TMEM117: variants seen among roughly 807,000 people sequenced by gnomAD.
The protein encoded by TMEM117 is transmembrane protein 117.
TMEM117 carries 27 observed loss-of-function variants against 52.4 expected under a neutral mutation model. That is an observed-to-expected ratio of 0.51 (90% CI 0.38 to 0.71). TMEM117 has a LOEUF of 0.71. Ranked by LOEUF, TMEM117 falls within the 30% of genes least tolerant of loss-of-function variation. The pLI is 0.00. For missense variants in TMEM117, 556 were observed against 630.5 expected (o/e 0.88, Z 1.26); for synonymous variants, 215 against 206.3 (o/e 1.04, Z -0.36).
At chr12:44,063,122 C>T (rs1341540681) in intron 3 of TMEM117, among the ~76,000 whole-genome samples, 2 of 152,132 alleles carry the variant, frequency 1.3e-5, no homozygotes, top group Non-Finnish European at 2.9e-5. Context: ...TGCTCAGAGA[C>T]GTAGAGACAC....
At chr12:43,995,365 A>G (rs76331350) in intron 3 of TMEM117, among the ~76,000 whole-genome samples, 6,455 of 145,792 alleles carry the variant, frequency 0.044, 266 homozygotes, top group African/African-American at 0.11. Flanking sequence ...CTCTGACTAG[A>G]TACCTTTTGT....
At chr12:44,141,446 G>T (rs1948570228) in intron 3 of TMEM117, among the ~76,000 whole-genome samples, 1 of 151,802 alleles carries the variant, frequency 6.6e-6, no homozygotes, top group East Asian at 1.9e-4. Context: ...TATTTTTTTA[G>T]TTATTAGCTG....
intron 3 of TMEM117, among the ~76,000 whole-genome samples, chr12:44,079,162 T>C (rs753739414): frequency 1.5e-4 from 23 of 152,168 alleles, no homozygotes; most frequent in Non-Finnish European, 3.1e-4. Context: ...TGAATAGTGC[T>C]GCAATAAACA....
At chr12:43,970,378 T>G (rs1945562231) in intron 3 of TMEM117, among the ~76,000 whole-genome samples, 1 of 152,080 alleles carries the variant, frequency 6.6e-6, no homozygotes, top group Admixed American at 6.6e-5. Context: ...AAGCTCCGCC[T>G]CCTGGGTTCA....
chr12:44,252,728 C>T (rs879288146), intron 5 of TMEM117, among the ~76,000 whole-genome samples: 2 of 152,086 alleles, frequency 1.3e-5, no homozygotes, highest in Non-Finnish European at 2.9e-5. Flanking sequence ...GTTACATAAC[C>T]TGGAGCACCT....
chr12:44,379,607 T>G (rs370023671), intron 7 of TMEM117, among the ~76,000 whole-genome samples: 7 of 152,218 alleles, frequency 4.6e-5, no homozygotes, highest in Non-Finnish European at 1.0e-4. Flanking sequence ...CACCCCAGAG[T>G]AGCATCTAGT....
At chr12:44,259,098 C>G (rs1487149528) in intron 5 of TMEM117, among the ~76,000 whole-genome samples, 1 of 151,926 alleles carries the variant, frequency 6.6e-6, no homozygotes, top group Non-Finnish European at 1.5e-5. Flanking sequence ...TTCTGTTATC[C>G]CTTTAGCATT....
At position 44,269,588 on chromosome 12, in the gene TMEM117, A is replaced by G. The variant is rs79192443; in HGVS notation, c.609-29992A>G. Among the ~76,000 whole-genome samples the G allele has an allele frequency of 2.3e-3, 351 of 151,474 alleles. 12 individuals are homozygous for G. In the East Asian group the frequency reaches 0.034, roughly 15 times the overall value. On this transcript the variant is annotated intron_variant, in intron 5 of 7. Transcript: ENST00000266534. ...TCCCTTCCTCATCGTCTACATTTTT[A>G]TGAGCTATGTTGTTTTCACATTGTT...
intron 5 of TMEM117, among the ~76,000 whole-genome samples, chr12:44,239,465 T>G (rs554941164): frequency 6.6e-6 from 1 of 152,302 alleles, no homozygotes; most frequent in African/African-American, 2.4e-5. Flanking sequence ...TTATCAAGAT[T>G]AAACCTTTTA....
chr12:44,180,671 A>G (rs1346080188), intron 4 of TMEM117, among the ~76,000 whole-genome samples: 1 of 151,942 alleles, frequency 6.6e-6, no homozygotes, highest in African/African-American at 2.4e-5. Flanking sequence ...TGTCCCTACA[A>G]AGGACATGAA....
At chr12:44,293,474 G>A (rs1350951012) in intron 5 of TMEM117, among the ~76,000 whole-genome samples, 3 of 151,936 alleles carry the variant, frequency 2.0e-5, no homozygotes, top group Non-Finnish European at 4.4e-5. Context: ...TTTTTAAAAT[G>A]TTTTGCTATT....
At chr12:44,197,880 G>T (rs150406468) in intron 4 of TMEM117, among the ~76,000 whole-genome samples, 1 of 152,234 alleles carries the variant, frequency 6.6e-6, no homozygotes, top group African/African-American at 2.4e-5. Context: ...CTATCATTGA[G>T]ATAATAAGAA....
At chr12:43,872,913 G>T (rs1200938047) in intron 2 of TMEM117, among the ~76,000 whole-genome samples, 2 of 152,140 alleles carry the variant, frequency 1.3e-5, no homozygotes, top group Admixed American at 1.3e-4. Context: ...GATAAAAAAT[G>T]ATGATGCAAA....
At chr12:43,965,810 C>T (rs941822659) in intron 3 of TMEM117, among the ~76,000 whole-genome samples, 14 of 152,048 alleles carry the variant, frequency 9.2e-5, no homozygotes, top group African/African-American at 3.4e-4. Context: ...CATGGTATTG[C>T]GTGACACTGA....
At chr12:44,385,034 G>A (rs1050383588) in intron 7 of TMEM117, among the ~76,000 whole-genome samples, 1 of 152,144 alleles carries the variant, frequency 6.6e-6, no homozygotes, top group African/African-American at 2.4e-5. Flanking sequence ...GAACTGGAAG[G>A]CATCTAGTTC....
At chr12:43,865,298 A>T (rs1044359815) in intron 2 of TMEM117, among the ~76,000 whole-genome samples, 26 of 152,064 alleles carry the variant, frequency 1.7e-4, no homozygotes, top group Admixed American at 8.5e-4. Context: ...AGTCCTTCTA[A>T]CTTTACCTTC....
the TMEM117 span, among the ~76,000 whole-genome samples, chr12:43,808,920 A>G: frequency 6.6e-6 from 1 of 152,046 alleles, no homozygotes; most frequent in Non-Finnish European, 1.5e-5. Context: ...ATGTTTTGCA[A>G]GTGATGTCGG....
At chr12:44,317,673 A>G (rs1250107484) in intron 6 of TMEM117, among the ~76,000 whole-genome samples, 1 of 152,144 alleles carries the variant, frequency 6.6e-6, no homozygotes, top group Admixed American at 6.5e-5. Context: ...CTATAGCCCT[A>G]TGCACTTCTG....
chr12:43,832,306 G>T (rs1042185449), upstream of TMEM117, among the ~76,000 whole-genome samples: 10 of 152,188 alleles, frequency 6.6e-5, no homozygotes, highest in African/African-American at 2.4e-4. Flanking sequence ...GGCCTTTACT[G>T]ACTACCTATT....
Sources: gnomAD v4.1 joint callset for allele counts (sites outside exome capture counted in the v4.1 genomes callset) on GRCh38, gnomAD v4.1.1 for gene constraint, MANE v1.5 for transcripts, NCBI Gene and HGNC (gene_info 2026-07-23, HGNC 2026-07-21) for gene names.